The following CYP4F2 variants were observed in gnomAD, a reference collection of about 807,000 sequenced individuals.
CYP4F2 encodes the protein cytochrome P450 4F2.
CYP4F2 carries 58 observed loss-of-function variants against 58.9 expected under a neutral mutation model. The ratio of observed to expected loss-of-function variants is 0.98; its 90% CI spans 0.80 to 1.23. The LOEUF is 1.23. CYP4F2 is among the 50% of genes most tolerant of loss of function. CYP4F2 has a pLI of 0.00. For missense variants in CYP4F2, 616 were observed against 685.6 expected (o/e 0.90, Z 1.13); for synonymous variants, 287 against 261.1 (o/e 1.10, Z -0.95).
At position 15,892,534 on chromosome 19, in the gene CYP4F2, C is replaced by A. The variant is rs149607948; in HGVS notation, c.392G>T (p.Trp131Leu). 1.9e-4 allele frequency: 311 copies of A among 1,614,008 alleles called. 1 individual carries two copies. Among genetic ancestry groups the A allele is most frequent in the Non-Finnish European group, 1.5e-4 (174 of 1,180,018 alleles). ...GTTCACCTGCAGATACTCACCCAGCCAGGGCTCCAGGAAGCTGTAGAAGAA... is the reference window on the plus strand; with the variant it reads ...GTTCACCTGCAGATACTCACCCAGCAAGGGCTCCAGGAAGCTGTAGAAGAA... The part of the protein sequence containing the change: ...DKFFYSFLEP[W>L]LGDGLLLSAG... Residue 131 changes from tryptophan (W) to leucine (L), a missense_variant, in exon 4 of 13, where the codon TGG (tryptophan) becomes TTG (leucine). Physicochemically the swap from Trp to Leu is moderately conservative, Grantham distance 61 (BLOSUM62 -2). Coordinates refer to ENST00000221700, the MANE Select transcript of CYP4F2 (RefSeq NM_001082.5).
chr19:15,878,488 G>T lies in CYP4F2; in HGVS notation c.*283C>A. ...GGATCACTGCTTCATTCCTTTTTAT[G>T]GCTGTGTAATACTCCATTGTATGGA... On this transcript the variant is annotated 3_prime_UTR_variant, in exon 13 of 13. Transcript: ENST00000221700. 1 of 498,344 alleles carries T rather than the reference G, an allele frequency of 2.0e-6. No homozygotes were observed. The allele number at this position is 498,344 out of a possible 1,614,324, so 30.9% of individuals were successfully genotyped here.
chr19:15,892,643 G>T, intron 3 of CYP4F2, 61 bp from the exon 4 acceptor site: 1 of 1,585,134 alleles, frequency 6.3e-7, no homozygotes, highest in Non-Finnish European at 8.6e-7. Context: ...CTTTGGGGGT[G>T]GGTGGAGGCT....
chr19:15,884,232 G>A (rs1397464657), intron 9 of CYP4F2, among the ~76,000 whole-genome samples: 1 of 152,020 alleles, frequency 6.6e-6, no homozygotes, highest in Non-Finnish European at 1.5e-5. Flanking sequence ...AGGTCACTGT[G>A]GTAAGTAAAT....
intron 9 of CYP4F2, among the ~76,000 whole-genome samples, chr19:15,882,998 C>T (rs2089354527): frequency 6.6e-6 from 1 of 152,032 alleles, no homozygotes; most frequent in African/African-American, 2.4e-5. Flanking sequence ...TTTTTTGGAC[C>T]CTTTCTTTTA....
intron 9 of CYP4F2, among the ~76,000 whole-genome samples, chr19:15,885,558 A>C (rs111657591): frequency 6.6e-6 from 1 of 152,142 alleles, no homozygotes; most frequent in African/African-American, 2.4e-5. Context: ...TCGACTGGAG[A>C]GTAGGAATTA....
chr19:15,886,229 C>T lies in CYP4F2; in HGVS notation c.985+13G>A. On this transcript the variant is annotated intron_variant, in intron 8 of 12. Transcript: ENST00000221700. Reference sequence around the variant, plus strand: ...TCCCGGTCCCCTCTCTAGCCCCACACTGGGGCCCTCACCCTCAAACATAAA... The same window carrying T: ...TCCCGGTCCCCTCTCTAGCCCCACATTGGGGCCCTCACCCTCAAACATAAA... 2 of 1,614,088 alleles carry T rather than the reference C, an allele frequency of 1.2e-6. No homozygotes were observed. Among genetic ancestry groups the T allele is most frequent in the Middle Eastern group, 1.7e-4 (1 of 6,050 alleles).
intron 1 of CYP4F2, 200 bp downstream of exon 1, chr19:15,897,826 T>G: frequency 1.8e-6 from 1 of 552,830 alleles, no homozygotes; most frequent in Non-Finnish European, 3.1e-6. Context: ...GCACTTAGAA[T>G]GGGAAAGAGA....
Position 15,878,942 on chromosome 19 carries a change from G to C in CYP4F2, c.1398-6C>G, listed in dbSNP as rs769319226. On this transcript the variant is annotated splice_polypyrimidine_tract_variant and splice_region_variant and intron_variant, in intron 12 of 12. Transcript: ENST00000221700. Reference sequence around the variant, plus strand: ...ACGTCTGCCCGATGCAGTTCCTAGGGGAGGGAGGTGGGAACTCTGACTGCA... The same window carrying C: ...ACGTCTGCCCGATGCAGTTCCTAGGCGAGGGAGGTGGGAACTCTGACTGCA... The C allele has an allele frequency of 3.7e-6, 6 of 1,612,246 alleles. No homozygotes were observed. Among genetic ancestry groups the C allele is most frequent in the Non-Finnish European group, 4.2e-6 (5 of 1,179,192 alleles).
At chr19:15,889,845 G>A in intron 6 of CYP4F2, 152 bp from the exon 7 acceptor site, 1 of 1,242,308 alleles carries the variant, frequency 8.0e-7, no homozygotes, top group South Asian at 1.5e-5. Flanking sequence ...ATCAGCATGA[G>A]ATTGATTCTC....
Position 15,895,631 on chromosome 19 carries a change from CCCT to C in CYP4F2, c.215_217del (p.Glu72del). The C allele has an allele frequency of 6.3e-7, 1 of 1,599,056 alleles. No individual in the cohort carries two copies. The highest frequency in any genetic ancestry group is 8.5e-7 in the Non-Finnish European group (1 of 1,173,648). On this transcript the variant is annotated inframe_deletion, in exon 3 of 13. Transcript: ENST00000221700. ...CACCAGCTGAGTCAGAACTCTCATG[CCCT>C]CCTCTGTGGGGTTGACCTGCAAGCA...
chr19:15,888,445 G>A (rs1568471978), intron 7 of CYP4F2, among the ~76,000 whole-genome samples: 1 of 150,652 alleles, frequency 6.6e-6, no homozygotes, highest in Non-Finnish European at 1.5e-5. Flanking sequence ...TATAGATACA[G>A]ACGCACACAC....
Position 15,890,381 on chromosome 19 carries a change from T to C in CYP4F2, c.578A>G (p.Glu193Gly). The part of the protein sequence containing the change: ...SEGSACLDMF[E>G]HISLMTLDSL... ...GTCCAAGGTCATGAGGCTGATGTGC[T>C]CAAACATATCCAAACAGGCACTACC... The change falls in exon 6 of 13, where the codon GAG becomes GGG. Residue 193 changes from glutamate (E) to glycine (G), a missense_variant. Transcript: ENST00000221700. 1 of 1,614,086 alleles carries C rather than the reference T, an allele frequency of 6.2e-7. No homozygotes were observed. The highest frequency in any genetic ancestry group is 8.5e-7 in the Non-Finnish European group (1 of 1,179,994).
At chr19:15,885,897 G>A (rs764356198) in intron 9 of CYP4F2, 27 bp downstream of exon 9, 13 of 1,606,248 alleles carry the variant, frequency 8.1e-6, no homozygotes, top group Non-Finnish European at 1.1e-5. Flanking sequence ...AAGGTCTCAG[G>A]AAGAGGCCAC....
Position 15,892,532 on chromosome 19 carries a change from G to A in CYP4F2, c.394C>T (p.Leu132=). The A allele has an allele frequency of 1.9e-6, 3 of 1,614,066 alleles. No individual in the cohort carries two copies. The highest frequency in any genetic ancestry group is 2.5e-6 in the Non-Finnish European group (3 of 1,179,980). ...CTGTTCACCTGCAGATACTCACCCA[G>A]CCAGGGCTCCAGGAAGCTGTAGAAG... ...KFFYSFLEPW[L]GDGLLLSAGD... The change falls in exon 4 of 13, where the codon CTG becomes TTG. Residue 132 remains leucine (L), a synonymous_variant. Coordinates refer to ENST00000221700, the MANE Select transcript of CYP4F2 (RefSeq NM_001082.5).
intron 4 of CYP4F2, 33 bp from the exon 5 acceptor site, chr19:15,892,469 C>T (rs568177101): frequency 1.9e-6 from 3 of 1,614,064 alleles, no homozygotes; most frequent in South Asian, 1.1e-5. Flanking sequence ...TGGGCAAGGA[C>T]CTCTCCCTCC....
At chr19:15,897,755 G>A (rs2089457444) in intron 1 of CYP4F2, 143 bp from the exon 2 acceptor site, 3 of 1,049,012 alleles carry the variant, frequency 2.9e-6, no homozygotes, top group Non-Finnish European at 4.1e-6. Context: ...GGGGCTGAGA[G>A]GTAAAGTCCA....
intron 5 of CYP4F2, 98 bp from the exon 6 acceptor site, chr19:15,890,531 T>C: frequency 6.5e-7 from 1 of 1,534,336 alleles, no homozygotes; most frequent in Non-Finnish European, 8.7e-7. Flanking sequence ...AATAAGCCTC[T>C]TCATCTTCTC....
intron 6 of CYP4F2, 48 bp downstream of exon 6, chr19:15,890,264 C>T (rs1325255406): frequency 1.2e-6 from 2 of 1,613,138 alleles, no homozygotes; most frequent in South Asian, 2.2e-5. Context: ...CCCACCTACC[C>T]ACTTTGGGTC....
chr19:15,888,129 C>A (rs2089392785), intron 7 of CYP4F2, among the ~76,000 whole-genome samples: 1 of 152,068 alleles, frequency 6.6e-6, no homozygotes, highest in Non-Finnish European at 1.5e-5. Flanking sequence ...CACAAACACA[C>A]ATAGATGAAG....
Sources: gnomAD v4.1 joint callset for allele counts (sites outside exome capture counted in the v4.1 genomes callset) on GRCh38, gnomAD v4.1.1 for gene constraint, MANE v1.5 for transcripts, NCBI Gene and HGNC (gene_info 2026-07-23, HGNC 2026-07-21) for gene names.